FGF14: variants seen among roughly 807,000 people sequenced by gnomAD.
FGF14 encodes the protein fibroblast growth factor 14.
FGF14 carries 5 observed loss-of-function variants against 25.5 expected under a neutral mutation model. That is an observed-to-expected ratio of 0.20 (90% CI 0.10 to 0.41). FGF14 has a LOEUF of 0.41. Among genes scored for constraint, FGF14 ranks in the 10% least tolerant of loss-of-function variants. The pLI is 1.00. For missense variants in FGF14, 222 were observed against 320.1 expected (o/e 0.69, Z 2.34); for synonymous variants, 138 against 118.3 (o/e 1.17, Z -1.08).
chr13:101,837,651 C>T (rs1279564009), intron 3 of FGF14, among the ~76,000 whole-genome samples: 2 of 152,014 alleles, frequency 1.3e-5, no homozygotes, highest in African/African-American at 4.8e-5. Context: ...ACCTATATAC[C>T]TGGGGCCATG....
intron 1 of FGF14, among the ~76,000 whole-genome samples, chr13:101,976,294 T>G (rs2037920681): frequency 6.6e-6 from 1 of 152,194 alleles, no homozygotes; most frequent in Non-Finnish European, 1.5e-5. Context: ...AGAAGGAATA[T>G]ATAACAGTTA....
intron 1 of FGF14, among the ~76,000 whole-genome samples, chr13:102,124,983 G>T (rs997883226): frequency 5.3e-5 from 8 of 151,994 alleles, no homozygotes; most frequent in African/African-American, 1.9e-4. Context: ...TCCAGGTTAA[G>T]TTTCTGAAGT....
At chr13:101,979,902 T>C (rs2038145456) in intron 1 of FGF14, among the ~76,000 whole-genome samples, 1 of 152,158 alleles carries the variant, frequency 6.6e-6, no homozygotes. Flanking sequence ...TAGAACCAGA[T>C]AAGGCATCGG....
intron 1 of FGF14, among the ~76,000 whole-genome samples, chr13:102,211,383 T>G (rs969103510): frequency 1.3e-5 from 2 of 152,222 alleles, no homozygotes; most frequent in Admixed American, 1.3e-4. Flanking sequence ...CCTTGCTCTG[T>G]TGTAAATTTG....
At chr13:102,148,821 C>T (rs72665331) in intron 1 of FGF14, among the ~76,000 whole-genome samples, 2,253 of 152,204 alleles carry the variant, frequency 0.015, 23 homozygotes, top group Middle Eastern at 0.027. Flanking sequence ...TAATTTAATA[C>T]ATTCCATTAT....
chr13:102,338,359 T>A (rs1318364473), intron 1 of FGF14, among the ~76,000 whole-genome samples: 1 of 152,138 alleles, frequency 6.6e-6, no homozygotes, highest in African/African-American at 2.4e-5. Flanking sequence ...ACAGTTAAGT[T>A]TCTGCTTCCT....
chr13:101,820,681 C>T (rs1163746602), intron 3 of FGF14, among the ~76,000 whole-genome samples: 7 of 151,990 alleles, frequency 4.6e-5, no homozygotes, highest in Non-Finnish European at 7.4e-5. Flanking sequence ...TGATTATACC[C>T]CCTTTTTTCT....
intron 1 of FGF14, among the ~76,000 whole-genome samples, chr13:102,307,143 C>A (rs937661910): frequency 6.6e-6 from 1 of 152,078 alleles, no homozygotes; most frequent in Non-Finnish European, 1.5e-5. Flanking sequence ...GGCAGAGAGG[C>A]TTCTAGAACA....
intron 1 of FGF14, among the ~76,000 whole-genome samples, chr13:102,268,601 G>C (rs2053105855): frequency 6.6e-6 from 1 of 152,030 alleles, no homozygotes; most frequent in Non-Finnish European, 1.5e-5. Context: ...ATGGGAGAAA[G>C]AGAATTTCAC....
intron 1 of FGF14, among the ~76,000 whole-genome samples, chr13:102,255,049 T>C (rs551237119): frequency 2.5e-4 from 38 of 152,354 alleles, no homozygotes; most frequent in Non-Finnish European, 4.6e-4. Context: ...ATTCTGGTCA[T>C]TGTTCACAGT....
chr13:101,968,586 T>C (rs915852814), intron 1 of FGF14, among the ~76,000 whole-genome samples: 13 of 142,534 alleles, frequency 9.1e-5, no homozygotes, highest in Non-Finnish European at 1.6e-4. Context: ...GGCAGGAGAA[T>C]GGCGTGAACC....
intron 1 of FGF14, among the ~76,000 whole-genome samples, chr13:101,975,744 G>A (rs550647321): frequency 6.6e-6 from 1 of 152,264 alleles, no homozygotes; most frequent in East Asian, 1.9e-4. Flanking sequence ...ATTCAGAGAG[G>A]GAACTTACTA....
At chr13:102,220,180 C>T (rs2050545010) in intron 1 of FGF14, among the ~76,000 whole-genome samples, 1 of 152,036 alleles carries the variant, frequency 6.6e-6, no homozygotes, top group East Asian at 1.9e-4. Flanking sequence ...TCATACGTCC[C>T]AACCCTGTAA....
chr13:102,117,140 G>A (rs2168684), intron 1 of FGF14, among the ~76,000 whole-genome samples: 1 of 152,174 alleles, frequency 6.6e-6, no homozygotes, highest in Non-Finnish European at 1.5e-5. Context: ...TCCTTACCTA[G>A]CTTGCCTTTT....
chr13:102,352,583 C>T (rs1304747033), intron 1 of FGF14, among the ~76,000 whole-genome samples: 2 of 152,000 alleles, frequency 1.3e-5, no homozygotes, highest in African/African-American at 2.4e-5. Flanking sequence ...GAGGCCGAGG[C>T]GGGCGGATCA....
chr13:102,141,033 A>G (rs965181877), intron 1 of FGF14, among the ~76,000 whole-genome samples: 23 of 152,196 alleles, frequency 1.5e-4, no homozygotes, highest in African/African-American at 5.3e-4. Flanking sequence ...TTCTTAACTC[A>G]CCACCAACAT....
chr13:102,049,805 G>T (rs921836760), intron 1 of FGF14, among the ~76,000 whole-genome samples: 3 of 152,054 alleles, frequency 2.0e-5, no homozygotes, highest in Non-Finnish European at 2.9e-5. Flanking sequence ...GAAGAGACTG[G>T]AGAGAGCTGT....
intron 1 of FGF14, among the ~76,000 whole-genome samples, chr13:102,354,521 C>A (rs2057371086): frequency 6.6e-6 from 1 of 152,138 alleles, no homozygotes; most frequent in South Asian, 2.1e-4. Flanking sequence ...ACATCTTACA[C>A]ATATTGATTG....
At chr13:102,090,836 C>A (rs1425022213) in intron 1 of FGF14, among the ~76,000 whole-genome samples, 1 of 152,218 alleles carries the variant, frequency 6.6e-6, no homozygotes, top group African/African-American at 2.4e-5. Flanking sequence ...TGTTTACAAG[C>A]CTTGAAGCTG....
Sources: gnomAD v4.1 joint callset for allele counts (sites outside exome capture counted in the v4.1 genomes callset) on GRCh38, gnomAD v4.1.1 for gene constraint, MANE v1.5 for transcripts, NCBI Gene and HGNC (gene_info 2026-07-23, HGNC 2026-07-21) for gene names.